The following NRXN1 variants were observed in gnomAD, a reference collection of about 807,000 sequenced individuals.
NRXN1 encodes neurexin-1.
Under a neutral mutation model 150.9 loss-of-function variants are expected in NRXN1, and 39 were observed. The observed-to-expected ratio is 0.26, with a 90% confidence interval of 0.20 to 0.34. NRXN1 has a LOEUF of 0.34. NRXN1 is among the 10% of genes least tolerant of loss of function. The pLI is 1.00. For missense variants in NRXN1, 1,815 were observed against 1,949.9 expected, an observed-to-expected ratio of 0.93 and a Z score of 1.30; for synonymous variants, 924 against 757.0, an observed-to-expected ratio of 1.22 and a Z score of -3.62.
intron 5 of NRXN1, among the ~76,000 whole-genome samples, chr2:50,770,169 A>C (rs1574416608): frequency 6.6e-6 from 1 of 152,152 alleles, no homozygotes. Flanking sequence ...GCAGAAGTTT[A>C]ACAAATTCTA....
intron 17 of NRXN1, among the ~76,000 whole-genome samples, chr2:50,242,601 T>A (rs914194354): frequency 1.3e-5 from 2 of 151,766 alleles, no homozygotes; most frequent in African/African-American, 4.8e-5. Flanking sequence ...TTTCTACCTA[T>A]AATATGTAAC....
chr2:49,968,880 T>A lies in NRXN1; in HGVS notation c.4129-25089A>T, dbSNP rs144746110. ...TTGTCTTGAATCCTCAATTGAACTTTTAAGGCAGCAAGTGTCTCATTTTTC... is the reference window on the plus strand; with the variant it reads ...TTGTCTTGAATCCTCAATTGAACTTATAAGGCAGCAAGTGTCTCATTTTTC... On this transcript the variant is annotated intron_variant, in intron 21 of 22. Coordinates refer to ENST00000401669, the MANE Select transcript of NRXN1 (RefSeq NM_001330078.2). Among the ~76,000 whole-genome samples, 128 of 152,236 alleles carry A rather than the reference T, an allele frequency of 8.4e-4. 1 individual carries two copies. In the Middle Eastern group the frequency reaches 0.014, roughly 16 times the overall value.
At chr2:50,750,068 T>C (rs901300892) in intron 5 of NRXN1, among the ~76,000 whole-genome samples, 2 of 152,038 alleles carry the variant, frequency 1.3e-5, no homozygotes, top group Non-Finnish European at 2.9e-5. Flanking sequence ...AAGATATGCA[T>C]AGACATTGGG....
chr2:50,600,372 T>TGGAGTGCAGTGG (rs1676049699), intron 8 of NRXN1, among the ~76,000 whole-genome samples: 1 of 147,814 alleles, frequency 6.8e-6, no homozygotes, highest in East Asian at 2.1e-4. Context: ...TTACCCAGGC[T>TGGAGTGCAGTGG]GGAGTGCAGT....
At chr2:50,506,380 G>C in intron 13 of NRXN1, 115 bp downstream of exon 13, 1 of 842,260 alleles carries the variant, frequency 1.2e-6, no homozygotes, top group Non-Finnish European at 1.7e-6. Context: ...GAATAAAAAT[G>C]GATTGTGTGA....
At chr2:49,938,058 T>G (rs1167615298) in intron 22 of NRXN1, among the ~76,000 whole-genome samples, 1 of 152,180 alleles carries the variant, frequency 6.6e-6, no homozygotes, top group Non-Finnish European at 1.5e-5. Context: ...AAATTTAGCT[T>G]AATAGTAATA....
At chr2:50,746,612 T>A (rs1700058396) in intron 5 of NRXN1, among the ~76,000 whole-genome samples, 1 of 151,958 alleles carries the variant, frequency 6.6e-6, no homozygotes, top group South Asian at 2.1e-4. Context: ...GTGGTCTGAT[T>A]TTCAAGTACA....
intron 18 of NRXN1, among the ~76,000 whole-genome samples, chr2:50,212,343 C>T (rs1440547649): frequency 6.7e-6 from 1 of 149,946 alleles, no homozygotes; most frequent in African/African-American, 2.4e-5. Flanking sequence ...GATATCAACA[C>T]TTTAATTCCA....
chr2:50,503,487 C>T (rs2092059359), intron 13 of NRXN1, among the ~76,000 whole-genome samples: 3 of 146,222 alleles, frequency 2.1e-5, no homozygotes, highest in Non-Finnish European at 4.5e-5. Context: ...ATTATAAAAA[C>T]ATAGCAATAG....
chr2:50,019,945 C>T (rs1687278038), intron 21 of NRXN1, among the ~76,000 whole-genome samples: 2 of 18,166 alleles, frequency 1.1e-4, no homozygotes, highest in Admixed American at 1.7e-3. Context: ...AAGACTCCGT[C>T]TCAAAAAAAA....
At chr2:51,025,862 G>A (rs1009481252) in intron 2 of NRXN1, among the ~76,000 whole-genome samples, 39 of 152,102 alleles carry the variant, frequency 2.6e-4, no homozygotes, top group African/African-American at 7.7e-4. Context: ...TATAGGCCAT[G>A]GAATACACAG....
At chr2:50,185,944 C>A (rs1191058203) in intron 18 of NRXN1, among the ~76,000 whole-genome samples, 1 of 151,946 alleles carries the variant, frequency 6.6e-6, no homozygotes, top group African/African-American at 2.4e-5. Context: ...GCCTCATTAC[C>A]TATAAATATT....
At chr2:50,710,575 T>A (rs1017835395) in intron 5 of NRXN1, among the ~76,000 whole-genome samples, 2 of 152,234 alleles carry the variant, frequency 1.3e-5, no homozygotes, top group African/African-American at 4.8e-5. Context: ...GGCATTGAAG[T>A]TAATGTCAAA....
At chr2:50,827,896 A>G (rs1337161527) in intron 5 of NRXN1, among the ~76,000 whole-genome samples, 1 of 148,304 alleles carries the variant, frequency 6.7e-6, no homozygotes, top group Admixed American at 6.8e-5. Context: ...GACACAGCAC[A>G]TGTTTCAGAG....
intron 5 of NRXN1, among the ~76,000 whole-genome samples, chr2:50,647,842 C>G (rs1300170016): frequency 1.3e-5 from 2 of 151,662 alleles, no homozygotes; most frequent in African/African-American, 4.8e-5. Flanking sequence ...ATTCTAATGA[C>G]AGAAGAAGAA....
intron 17 of NRXN1, among the ~76,000 whole-genome samples, chr2:50,428,237 A>ACC (rs929296925): frequency 6.6e-5 from 10 of 151,826 alleles, no homozygotes; most frequent in Non-Finnish European, 1.5e-4. Context: ...ACACAGCAAG[A>ACC]CCCCCGTCTC....
chr2:50,415,043 C>T (rs915172820), intron 17 of NRXN1, among the ~76,000 whole-genome samples: 2 of 152,094 alleles, frequency 1.3e-5, no homozygotes, highest in East Asian at 1.9e-4. Context: ...GGATCAGGCA[C>T]ATTAAACATA....
intron 21 of NRXN1, among the ~76,000 whole-genome samples, chr2:49,962,221 G>A (rs753234466): frequency 3.9e-5 from 6 of 152,032 alleles, no homozygotes; most frequent in African/African-American, 7.2e-5. Flanking sequence ...CTCACCCTTC[G>A]GGAACCATCC....
intron 2 of NRXN1, among the ~76,000 whole-genome samples, chr2:50,976,209 T>C (rs1236473567): frequency 4.0e-5 from 6 of 149,542 alleles, no homozygotes; most frequent in Non-Finnish European, 8.9e-5. Context: ...TTTTTTTTTT[T>C]CTTAGAAACT....
Sources: gnomAD v4.1 joint callset for allele counts (sites outside exome capture counted in the v4.1 genomes callset) on GRCh38, gnomAD v4.1.1 for gene constraint, MANE v1.5 for transcripts, NCBI Gene and HGNC (gene_info 2026-07-23, HGNC 2026-07-21) for gene names.